Variants in TUBA4A observed in about 807,000 individuals in gnomAD.
The protein encoded by TUBA4A is tubulin alpha-4A chain.
Under a neutral mutation model 34.3 loss-of-function variants are expected in TUBA4A, and 23 were observed. That is an observed-to-expected ratio of 0.67 (90% CI 0.48 to 0.95). The LOEUF is 0.95. TUBA4A is among the 40% of genes least tolerant of loss of function. The probability of loss-of-function intolerance (pLI) is 0.00; values close to 1 mark genes in which losing one functional copy is unlikely to be tolerated. For missense variants in TUBA4A, 279 were observed against 599.0 expected, an observed-to-expected ratio of 0.47 and a Z score of 5.58; for synonymous variants, 216 against 230.5, an observed-to-expected ratio of 0.94 and a Z score of 0.57.
Position 219,253,359 on chromosome 2 carries a change from G to C in TUBA4A, c.3+497C>G, listed in dbSNP as rs369702809. The C allele has an allele frequency of 6.7e-4, 1,020 of 1,531,968 alleles. 6 individuals are homozygous for C. The highest frequency in any genetic ancestry group is 5.6e-3 in the African/African-American group (404 of 72,270). The allele number at this position is 1,531,968 out of a possible 1,614,324, so 94.9% of individuals were successfully genotyped here. A position where few individuals can be genotyped will look rare whatever the true frequency, so the allele number is the denominator to read the frequency against. On this transcript the variant is annotated intron_variant, in intron 1 of 3. Transcript: ENST00000248437. ...AGACGCGGGGTGCTGAGTCACGGGG[G>C]GGGGGTGGTTCTGTGGATAGTTGGA...
intron 1 of TUBA4A, chr2:219,253,170 T>C (rs1951676172): frequency 2.6e-6 from 4 of 1,518,216 alleles, no homozygotes; most frequent in African/African-American, 1.4e-5. Flanking sequence ...GGGCTATAAA[T>C]ACCACCCCCT....
In TUBA4A at chr2:219,251,571, G is replaced by A. The variant is rs562650415; in HGVS notation, c.369C>T (p.Arg123=). The A allele has an allele frequency of 6.2e-7, 1 of 1,613,334 alleles. No individual in the cohort carries two copies. The highest frequency in any genetic ancestry group is 1.1e-5 in the South Asian group (1 of 91,044). ...TCCCAAGACACACTCTCACCAGCTT[G>A]CGGATCCGATCCAGCACTGGGTCAA... is the stretch of plus-strand genomic sequence containing the variant. The part of the protein sequence containing the change: ...EIIDPVLDRI[R]KLSDQCTGLQ... Residue 123 remains arginine (R), a synonymous_variant, in exon 3 of 4, where the codon CGC becomes CGT. Coordinates refer to ENST00000248437, the MANE Select transcript of TUBA4A (RefSeq NM_006000.3). The surrounding 1 kb of genome is among the most constrained non-coding windows in gnomAD (Gnocchi z 6.1).
rs1217341991 is a variant in TUBA4A, at chr2:219,252,009, A to G, written c.225T>C (p.Ile75=). Residue 75 remains isoleucine, a splice_region_variant and synonymous_variant, in exon 2 of 4, where the codon ATT becomes ATC. Transcript: ENST00000248437. This position sits in a 1 kb window ranked among gnomAD's most constrained non-coding sequence, Gnocchi z 4.1. ...AVFVDLEPTV[I]DEIRNGPYRQ... Reference sequence around the variant, plus strand: ...AATTTTGTCCCCACTTCCTCTCACCAATGACCGTAGGCTCCAGATCCACAA... The same window carrying G: ...AATTTTGTCCCCACTTCCTCTCACCGATGACCGTAGGCTCCAGATCCACAA... 1.2e-6 allele frequency: 2 copies of G among 1,614,038 alleles called. No homozygotes were observed. The highest frequency in any genetic ancestry group is 3.3e-5 in the Admixed American group (2 of 60,004).
upstream of TUBA4A, chr2:219,254,139 C>T (rs1951696258): frequency 5.3e-6 from 2 of 380,188 alleles, no homozygotes; most frequent in Admixed American, 8.9e-5. Context: ...TTTAACCATT[C>T]TTTCCTCGTT....
chr2:219,251,916 C>A lies in TUBA4A; in HGVS notation c.226+92G>T. The stretch of plus-strand genomic sequence containing the variant: ...CAAGTACGGCTAGGAATTTTCAGGG[C>A]TAGGAATGCCTGGTCTAAATACCCT... On this transcript the variant is annotated intron_variant, in intron 2 of 3. Transcript: ENST00000248437. This position sits in a 1 kb window ranked among gnomAD's most constrained non-coding sequence, Gnocchi z 6.1. 1 of 1,430,506 alleles carries A rather than the reference C, an allele frequency of 7.0e-7. No homozygotes were observed. The highest frequency in any genetic ancestry group is 2.4e-5 in the East Asian group (1 of 41,998). 88.6% of individuals were successfully genotyped at this position (1,430,506 alleles called of 1,614,324 possible). A position where few individuals can be genotyped will look rare whatever the true frequency, so the allele number is the denominator to read the frequency against.
At chr2:219,253,484 C>T (rs1435509373) in intron 1 of TUBA4A, 2 of 1,318,030 alleles carry the variant, frequency 1.5e-6, no homozygotes, top group East Asian at 2.5e-5. Flanking sequence ...GGACCAGGGA[C>T]TGGGGATGTA....
chr2:219,253,945 A>C, upstream of TUBA4A: 156 of 792,200 alleles, frequency 2.0e-4, no homozygotes, highest in Non-Finnish European at 2.4e-4. Context: ...CACCGCCCTT[A>C]TAGGCGGGGG....
Position 219,250,265 on chromosome 2 carries a change from CAGAG to C in TUBA4A, c.*83_*86del. On this transcript the variant is annotated 3_prime_UTR_variant, in exon 4 of 4. Transcript: ENST00000248437. The surrounding 1 kb of genome is among the most constrained non-coding windows in gnomAD (Gnocchi z 8.4). ...GGAAGGCAGCAGAAGCTCAAGCACT[CAGAG>C]GGAACAAGAAACCGTGCAAGGAAAC... The C allele has an allele frequency of 6.5e-7, 1 of 1,529,432 alleles. No individual in the cohort carries two copies. The highest frequency in any genetic ancestry group is 8.8e-7 in the Non-Finnish European group (1 of 1,136,058). 94.7% of individuals were successfully genotyped at this position (1,529,432 alleles called of 1,614,324 possible).
chr2:219,252,486 A>G lies in TUBA4A; in HGVS notation c.4-256T>C, dbSNP rs1951664141. Among the ~76,000 whole-genome samples the G allele has an allele frequency of 6.6e-6, 1 of 152,016 alleles. No homozygotes were observed. Among genetic ancestry groups the G allele is most frequent in the South Asian group, 2.1e-4 (1 of 4,834 alleles). ...TCAGTGGGGAATCTGTCAAGTGAGC[A>G]CTGTGGCTCCACATGACAAAAGGTT... On this transcript the variant is annotated intron_variant, in intron 1 of 3. Coordinates refer to ENST00000248437, the MANE Select transcript of TUBA4A (RefSeq NM_006000.3). The surrounding 1 kb of genome is among the most constrained non-coding windows in gnomAD (Gnocchi z 4.1).
In TUBA4A at chr2:219,252,541, C is replaced by CG. The variant is rs5838729; in HGVS notation, c.4-312_4-311insC. On this transcript the variant is annotated intron_variant, in intron 1 of 3. Coordinates refer to ENST00000248437, the MANE Select transcript of TUBA4A (RefSeq NM_006000.3). This position sits in a 1 kb window ranked among gnomAD's most constrained non-coding sequence, Gnocchi z 4.1. ...AGAGGTATGGGTTTACAGCTAGAGG[C>CG]CCCCCCCCCACTTGATTAATTATTT... 2.3e-5 allele frequency among the ~76,000 whole-genome samples: 3 copies of CG among 127,700 alleles called. No homozygotes were observed. The highest frequency in any genetic ancestry group is 1.0e-4 in the African/African-American group (3 of 29,204). The allele number at this position is 127,700 out of a possible 152,430, so 83.8% of individuals were successfully genotyped here. A position where few individuals can be genotyped will look rare whatever the true frequency, so the allele number is the denominator to read the frequency against.
rs750069877 is a variant in TUBA4A at position 219,250,490 on chromosome 2, C to T, written c.1209G>A (p.Ala403=). 6.2e-6 allele frequency: 10 copies of T among 1,614,092 alleles called. No individual in the cohort carries two copies. Among genetic ancestry groups the T allele is most frequent in the East Asian group, 2.2e-5 (1 of 44,898 alleles). ...CCTCACCCACATACCAGTGCACAAA[C>T]GCCCTCTTGGCATACATCAGGTCGA... ...HKFDLMYAKR[A]FVHWYVGEGM... Residue 403 remains alanine, a synonymous_variant, in exon 4 of 4, where the codon GCG becomes GCA. Coordinates refer to ENST00000248437, the MANE Select transcript of TUBA4A (RefSeq NM_006000.3). The surrounding 1 kb of genome is among the most constrained non-coding windows in gnomAD (Gnocchi z 8.4).
At chr2:219,254,118 G>A, upstream of TUBA4A, 1 of 403,760 alleles carries the variant, frequency 2.5e-6, no homozygotes, top group East Asian at 3.7e-5. Flanking sequence ...ATTAAGAGTC[G>A]CGATTCGGGC....
At position 219,251,120 on chromosome 2, in the gene TUBA4A, G is replaced by A. The variant is rs897343623; in HGVS notation, c.579C>T (p.Thr193=). 1.2e-6 allele frequency: 2 copies of A among 1,614,106 alleles called. No homozygotes were observed. The highest frequency in any genetic ancestry group is 2.7e-5 in the African/African-American group (2 of 74,932). ...EPYNSILTTH[T]TLEHSDCAFM... The stretch of plus-strand genomic sequence containing the variant: ...AGGCACAGTCTGAGTGCTCCAGGGT[G>A]GTGTGGGTGGTCAGGATAGAGTTGT... Residue 193 remains threonine (T), a synonymous_variant, in exon 4 of 4, where the codon ACC becomes ACT. Transcript: ENST00000248437. The surrounding 1 kb of genome is among the most constrained non-coding windows in gnomAD (Gnocchi z 6.1).
rs1951690152 is a variant in TUBA4A, at chr2:219,253,870, G to A, written c.-12C>T. On this transcript the variant is annotated 5_prime_UTR_variant, in exon 1 of 4. Transcript: ENST00000248437. ...GCCGCACTCACCATGGTGAGTCCGG[G>A]CGGTGCGTCTCACGTTGAGTCGGGG... The A allele has an allele frequency of 6.8e-7, 1 of 1,460,202 alleles. No individual in the cohort carries two copies. Among genetic ancestry groups the A allele is most frequent in the Non-Finnish European group, 9.0e-7 (1 of 1,106,984 alleles). The allele number at this position is 1,460,202 out of a possible 1,614,324, so 90.5% of individuals were successfully genotyped here. A position where few individuals can be genotyped will look rare whatever the true frequency, so the allele number is the denominator to read the frequency against.
Position 219,251,586 on chromosome 2 carries a change from C to T in TUBA4A, c.354G>A (p.Val118=). 3.1e-6 allele frequency: 5 copies of T among 1,614,066 alleles called. No individual in the cohort carries two copies. The highest frequency in any genetic ancestry group is 4.2e-6 in the Non-Finnish European group (5 of 1,179,928). ...TCACCAGCTTGCGGATCCGATCCAG[C>T]ACTGGGTCAATGATCTCCTTGCCAA... ...YTIGKEIIDP[V]LDRIRKLSDQ... The change falls in exon 3 of 4, where the codon GTG becomes GTA. Residue 118 remains valine, a synonymous_variant. Coordinates refer to ENST00000248437, the MANE Select transcript of TUBA4A (RefSeq NM_006000.3). This position sits in a 1 kb window ranked among gnomAD's most constrained non-coding sequence, Gnocchi z 6.1.
At position 219,251,395 on chromosome 2, in the gene TUBA4A, T is replaced by C. The variant is rs921741684; in HGVS notation, c.376-72A>G. 17 of 1,544,442 alleles carry C rather than the reference T, an allele frequency of 1.1e-5. No homozygotes were observed. In the East Asian group the frequency reaches 3.8e-4, roughly 35 times the overall value. Reference sequence around the variant, plus strand: ...TGAGGGACTCTATCACCTGGCTCCATAAAGCGTAAGATACATCAGCAGTCA... The same window carrying C: ...TGAGGGACTCTATCACCTGGCTCCACAAAGCGTAAGATACATCAGCAGTCA... On this transcript the variant is annotated intron_variant, in intron 3 of 3. Transcript: ENST00000248437. This position sits in a 1 kb window ranked among gnomAD's most constrained non-coding sequence, Gnocchi z 6.1.
Position 219,252,091 on chromosome 2 carries a change from G to C in TUBA4A, c.143C>G (p.Ser48Cys). The stretch of plus-strand genomic sequence containing the variant: ...AGTTTCACAGAAGAAGGTGGTGAAG[G>C]AGTCGTCCCCTCCACCAATGGTCTT... ...SDKTIGGGDD[S>C]FTTFFCETGA... Residue 48 changes from serine to cysteine, a missense_variant, in exon 2 of 4, where the codon TCC becomes TGC. Physicochemically the swap from Ser to Cys is moderately radical, Grantham distance 112. Transcript: ENST00000248437. The surrounding 1 kb of genome is among the most constrained non-coding windows in gnomAD (Gnocchi z 4.1). 6.2e-7 allele frequency: 1 copy of C among 1,614,140 alleles called. No homozygotes were observed. The highest frequency in any genetic ancestry group is 8.5e-7 in the Non-Finnish European group (1 of 1,180,020).
Position 219,252,124 on chromosome 2 carries a change from G to A in TUBA4A, c.110C>T (p.Pro37Leu). The A allele has an allele frequency of 6.2e-7, 1 of 1,614,138 alleles. No individual in the cohort carries two copies. The highest frequency in any genetic ancestry group is 8.5e-7 in the Non-Finnish European group (1 of 1,180,028). ...CCCTCCACCAATGGTCTTGTCACTGGGCATCTGCCCATCAGGCTGAATCCC... is the reference window on the plus strand; with the variant it reads ...CCCTCCACCAATGGTCTTGTCACTGAGCATCTGCCCATCAGGCTGAATCCC... ...EHGIQPDGQM[P>L]SDKTIGGGDD... Residue 37 changes from proline to leucine, a missense_variant, in exon 2 of 4, where the codon CCC (proline) becomes CTC (leucine). Physicochemically the swap from Pro to Leu is moderately conservative, Grantham distance 98. This residue lies in a region of TUBA4A where 98 missense variants were observed against 171.1 expected (regional missense o/e 0.57). Coordinates refer to ENST00000248437, the MANE Select transcript of TUBA4A (RefSeq NM_006000.3). The surrounding 1 kb of genome is among the most constrained non-coding windows in gnomAD (Gnocchi z 4.1).
Position 219,251,540 on chromosome 2 carries a change from C to T in TUBA4A, c.375+25G>A, listed in dbSNP as rs1239698622. On this transcript the variant is annotated intron_variant, in intron 3 of 3. Transcript: ENST00000248437. This position sits in a 1 kb window ranked among gnomAD's most constrained non-coding sequence, Gnocchi z 6.1. ...ACCATTAGCACAGTCTCAAAAGTTC[C>T]CTCCCTCCCAAGACACACTCTCACC... 1.2e-6 allele frequency: 2 copies of T among 1,605,600 alleles called. No homozygotes were observed. The highest frequency in any genetic ancestry group is 1.3e-5 in the African/African-American group (1 of 74,658).
Sources: gnomAD v4.1 joint callset for allele counts (sites outside exome capture counted in the v4.1 genomes callset) on GRCh38, gnomAD v4.1.1 for gene constraint, gnomAD v4.1.1 regional missense constraint, Gnocchi (gnomAD v3.1) non-coding constraint, MANE v1.5 for transcripts, NCBI Gene and HGNC (gene_info 2026-07-23, HGNC 2026-07-21) for gene names.